The following EDIL3 variants were observed in gnomAD, a reference collection of about 807,000 sequenced individuals.
EDIL3 encodes the protein EGF like and discoidin domains 3.
In EDIL3, 37 loss-of-function variants were observed where a neutral mutation model predicts 67.4. The observed-to-expected ratio is 0.55, with a 90% CI of 0.42 to 0.72. The LOEUF (loss-of-function observed/expected upper bound fraction) is 0.72. EDIL3 is among the 30% of genes least tolerant of loss of function. The pLI, the probability that EDIL3 is intolerant of heterozygous loss-of-function variation, is 0.00. For missense variants in EDIL3, 527 were observed against 586.3 expected (o/e 0.90, Z 1.04); for synonymous variants, 195 against 196.3 (o/e 0.99, Z 0.05).
At chr5:84,027,459 G>A (rs1561407658) in intron 9 of EDIL3, among the ~76,000 whole-genome samples, 1 of 152,154 alleles carries the variant, frequency 6.6e-6, no homozygotes, top group African/African-American at 2.4e-5. Context: ...TAGTTTTCAT[G>A]TACTAGTTGG....
intron 3 of EDIL3, among the ~76,000 whole-genome samples, chr5:84,213,422 C>T (rs1744168669): frequency 6.6e-6 from 1 of 152,178 alleles, no homozygotes; most frequent in Admixed American, 6.5e-5. Context: ...CAAAGGTCCT[C>T]AGTCTTAAGC....
rs1021691825 is a variant in EDIL3 at position 83,976,794 on chromosome 5, A to C, written c.1138-13434T>G. 2.0e-5 allele frequency among the ~76,000 whole-genome samples: 3 copies of C among 151,754 alleles called. No homozygotes were observed. The East Asian group carries it at 5.8e-4, about 29-fold the overall frequency. ...AATATAATTTTATAATTATGAATGT[A>C]CTCCTAAATAATAATATTTAGTCTT... On this transcript the variant is annotated intron_variant, in intron 9 of 10. Coordinates refer to ENST00000296591, the MANE Select transcript of EDIL3 (RefSeq NM_005711.5).
At chr5:84,028,600 T>C (rs2112199762) in intron 9 of EDIL3, among the ~76,000 whole-genome samples, 1 of 152,048 alleles carries the variant, frequency 6.6e-6, no homozygotes, top group South Asian at 2.1e-4. Flanking sequence ...CGTGACATAA[T>C]CAATGGATAC....
intron 2 of EDIL3, among the ~76,000 whole-genome samples, chr5:84,235,689 A>AT (rs1188185350): frequency 1.3e-5 from 2 of 152,086 alleles, no homozygotes; most frequent in Non-Finnish European, 2.9e-5. Flanking sequence ...AGTCATTTGT[A>AT]TTAAATAAAG....
chr5:84,028,345 C>T (rs7712143), intron 9 of EDIL3, among the ~76,000 whole-genome samples: 7,403 of 152,176 alleles, frequency 0.049, 620 homozygotes, highest in African/African-American at 0.17. Flanking sequence ...CCATGTCACC[C>T]TTTGACTTAA....
At chr5:84,164,759 A>G (rs1473675481) in intron 4 of EDIL3, among the ~76,000 whole-genome samples, 1 of 152,152 alleles carries the variant, frequency 6.6e-6, no homozygotes, top group Non-Finnish European at 1.5e-5. Flanking sequence ...TGACTCAGGC[A>G]GAAATTATCT....
At chr5:84,200,618 A>G (rs917088567) in intron 3 of EDIL3, among the ~76,000 whole-genome samples, 5 of 152,034 alleles carry the variant, frequency 3.3e-5, no homozygotes, top group Non-Finnish European at 5.9e-5. Flanking sequence ...AACTTGTTAC[A>G]CAATTTTGTG....
intron 1 of EDIL3, among the ~76,000 whole-genome samples, chr5:84,262,961 G>A (rs935984743): frequency 3.3e-5 from 5 of 151,768 alleles, no homozygotes; most frequent in South Asian, 2.1e-4. Context: ...ATGAGCCACC[G>A]CGCCCCTGGC....
intron 9 of EDIL3, among the ~76,000 whole-genome samples, chr5:84,011,293 A>G (rs1228618376): frequency 6.6e-6 from 1 of 152,086 alleles, no homozygotes; most frequent in Non-Finnish European, 1.5e-5. Context: ...ATCATACTTG[A>G]TTTCTCCTGG....
chr5:84,155,350 A>T (rs1748472007), intron 4 of EDIL3, among the ~76,000 whole-genome samples: 2 of 152,142 alleles, frequency 1.3e-5, no homozygotes, highest in African/African-American at 2.4e-5. Context: ...AGCCAATATA[A>T]TTTTTGCTAC....
At chr5:84,065,676 A>C (rs1234016948) in intron 7 of EDIL3, among the ~76,000 whole-genome samples, 1 of 152,190 alleles carries the variant, frequency 6.6e-6, no homozygotes, top group Non-Finnish European at 1.5e-5. Context: ...TATAATATTC[A>C]ATACCTCTAA....
chr5:84,176,428 T>G (rs1748917272), intron 4 of EDIL3, among the ~76,000 whole-genome samples: 1 of 150,524 alleles, frequency 6.6e-6, no homozygotes. Flanking sequence ...CAGCCCTCTT[T>G]TCTTGAAAAG....
rs147940034 is a variant in EDIL3 at position 83,973,938 on chromosome 5, T to G, written c.1138-10578A>C. ...TAGCAAATCACATTGCATAACTAAG[T>G]ATTAGGAGGTCCTTGAAAGTTTGGA... On this transcript the variant is annotated intron_variant, in intron 9 of 10. Coordinates refer to ENST00000296591, the MANE Select transcript of EDIL3 (RefSeq NM_005711.5). 2.8e-3 allele frequency among the ~76,000 whole-genome samples: 431 copies of G among 152,132 alleles called. 5 individuals carry two copies. The highest frequency in any genetic ancestry group is 9.9e-3 in the African/African-American group (413 of 41,542).
intron 9 of EDIL3, among the ~76,000 whole-genome samples, chr5:84,006,785 T>C (rs527434456): frequency 3.9e-5 from 6 of 152,036 alleles, no homozygotes; most frequent in Non-Finnish European, 8.8e-5. Context: ...GAAGCACACA[T>C]GGGAAATAAA....
At position 84,066,507 on chromosome 5, in the gene EDIL3, T is replaced by C. The variant is rs1746644104; in HGVS notation, c.751A>G (p.Ser251Gly). ...ATTGCCCAAGTCTTTCCATCATTAC[T>C]GTAGGCAATTTTGTAGGATTTTATA... ...EYIKSYKIAYSNDGKTWAMYK... is the reference protein window; with the variant it reads ...EYIKSYKIAYGNDGKTWAMYK... Residue 251 changes from serine to glycine, a missense_variant, in exon 7 of 11, where the codon AGT becomes GGT. Physicochemically the swap from Ser to Gly is moderately conservative, Grantham distance 56. Transcript: ENST00000296591. 6.2e-7 allele frequency: 1 copy of C among 1,613,664 alleles called. No individual in the cohort carries two copies. The highest frequency in any genetic ancestry group is 1.3e-5 in the African/African-American group (1 of 75,034).
At chr5:84,073,437 C>T (rs936892724) in intron 6 of EDIL3, among the ~76,000 whole-genome samples, 29 of 151,968 alleles carry the variant, frequency 1.9e-4, no homozygotes, top group Middle Eastern at 6.8e-3. Context: ...TGATTGTATA[C>T]CTAGAAAACC....
At chr5:84,382,091 A>G (rs755865524) in intron 1 of EDIL3, among the ~76,000 whole-genome samples, 1 of 152,110 alleles carries the variant, frequency 6.6e-6, no homozygotes, top group Non-Finnish European at 1.5e-5. Flanking sequence ...GGTGAGGGAG[A>G]AAAAATTAGA....
rs1359673286 is a variant in EDIL3 at position 83,942,306 on chromosome 5, T to A, written c.*1113A>T. On this transcript the variant is annotated 3_prime_UTR_variant, in exon 11 of 11. Coordinates refer to ENST00000296591, the MANE Select transcript of EDIL3 (RefSeq NM_005711.5). Reference sequence around the variant, plus strand: ...TAGTAAACACTTTGCTTCTCACAAATAACTCCACCTGTGCCTTCCTGGGAA... The same window carrying A: ...TAGTAAACACTTTGCTTCTCACAAAAAACTCCACCTGTGCCTTCCTGGGAA... The A allele has an allele frequency of 1.3e-5, 2 of 152,044 alleles. No homozygotes were observed. Among genetic ancestry groups the A allele is most frequent in the Non-Finnish European group, 2.9e-5 (2 of 67,950 alleles). 9.4% of individuals were successfully genotyped at this position (152,044 alleles called of 1,614,324 possible).
chr5:84,366,855 G>T (rs1747748554), intron 1 of EDIL3, among the ~76,000 whole-genome samples: 1 of 152,152 alleles, frequency 6.6e-6, no homozygotes, highest in Non-Finnish European at 1.5e-5. Flanking sequence ...TATCCGTCTG[G>T]CATTTTTTCC....
Sources: allele counts gnomAD v4.1 joint callset (sites outside exome capture counted in the v4.1 genomes callset), GRCh38; gene constraint gnomAD v4.1.1; transcripts MANE v1.5; gene names NCBI Gene and HGNC (gene_info 2026-07-23, HGNC 2026-07-21).